PIGB: variants seen among roughly 807,000 people sequenced by gnomAD.
PIGB encodes the protein phosphatidylinositol glycan anchor biosynthesis class B, also known as GPI alpha-1,2-mannosyltransferase 3.
Under a neutral mutation model 68.4 loss-of-function variants are expected in PIGB, and 58 were observed. The observed-to-expected ratio is 0.85, with a 90% CI of 0.69 to 1.06. The LOEUF (loss-of-function observed/expected upper bound fraction) is 1.06, where lower values mean the gene tolerates loss of function less well. Among genes scored for constraint, PIGB ranks in the 50% least tolerant of loss-of-function variants. The pLI is 0.00. For synonymous variants in PIGB, 219 were observed against 220.5 expected, an observed-to-expected ratio of 0.99 and a Z score of 0.06; for missense variants, 634 against 655.8, an observed-to-expected ratio of 0.97 and a Z score of 0.36.
intron 10 of PIGB, among the ~76,000 whole-genome samples, chr15:55,352,912 A>C (rs191365917): frequency 6.6e-6 from 1 of 152,242 alleles, no homozygotes; most frequent in African/African-American, 2.4e-5. Context: ...CTATTTAACT[A>C]ATCATTAATG....
chr15:55,326,284 CTTATTATCT>C (rs1246150904), intron 3 of PIGB, among the ~76,000 whole-genome samples: 1 of 151,054 alleles, frequency 6.6e-6, no homozygotes, highest in Non-Finnish European at 1.5e-5. Flanking sequence ...ATAATATTAT[CTTATTATCT>C]ATATTGCAGG....
In PIGB at chr15:55,321,639, C is replaced by CTTCT. The variant is rs1566946182; in HGVS notation, c.417+256_417+259dup. 2.2e-4 allele frequency among the ~76,000 whole-genome samples: 29 copies of CTTCT among 133,036 alleles called. 1 individual carries two copies. The highest frequency in any genetic ancestry group is 1.8e-3 in the Admixed American group (24 of 12,990). The allele number at this position is 133,036 out of a possible 152,430, so 87.3% of individuals were successfully genotyped here. ...GTATTATTTGGACATTAGAAGTATACTTCTTTCTTTTTTTTTTTTTTTTTT... is the reference window on the plus strand; with the variant it reads ...GTATTATTTGGACATTAGAAGTATACTTCTTTCTTTCTTTTTTTTTTTTTTTTTT... On this transcript the variant is annotated intron_variant, in intron 3 of 11. Transcript: ENST00000164305.
At chr15:55,330,885 C>T (rs2055398278) in intron 5 of PIGB, among the ~76,000 whole-genome samples, 3 of 152,134 alleles carry the variant, frequency 2.0e-5, no homozygotes, top group Admixed American at 1.3e-4. Flanking sequence ...AAAGCATTCA[C>T]TCAAGTTACG....
chr15:55,319,565 A>C (rs1419798769), intron 1 of PIGB, 152 bp downstream of exon 1: 1 of 601,252 alleles, frequency 1.7e-6, no homozygotes, highest in African/African-American at 1.9e-5. Flanking sequence ...ATTTTAATAT[A>C]AATTCTGATT....
At chr15:55,343,458 G>A (rs978561226) in intron 9 of PIGB, 2 of 152,178 alleles carry the variant, frequency 1.3e-5, no homozygotes, top group Admixed American at 6.5e-5. Flanking sequence ...TGGAGGGGAC[G>A]GGGAGGTTGG....
chr15:55,337,526 C>G (rs2055564644), intron 6 of PIGB, among the ~76,000 whole-genome samples: 1 of 152,148 alleles, frequency 6.6e-6, no homozygotes, highest in Non-Finnish European at 1.5e-5. Context: ...ATCTAATGTC[C>G]AGTGATCTGA....
chr15:55,352,458 G>C (rs1013834431), intron 10 of PIGB, among the ~76,000 whole-genome samples: 1 of 152,172 alleles, frequency 6.6e-6, no homozygotes, highest in Non-Finnish European at 1.5e-5. Context: ...ACCCAGTAAT[G>C]GTATAGGGGC....
intron 5 of PIGB, among the ~76,000 whole-genome samples, chr15:55,331,031 T>A (rs1486318910): frequency 6.6e-6 from 1 of 152,186 alleles, no homozygotes; most frequent in Admixed American, 6.5e-5. Context: ...CCAAGGCAGT[T>A]TTGGGGAATG....
intron 3 of PIGB, among the ~76,000 whole-genome samples, chr15:55,321,813 C>T (rs1371196904): frequency 3.1e-4 from 46 of 149,262 alleles, no homozygotes; most frequent in Admixed American, 2.5e-3. Flanking sequence ...CCACCATGCC[C>T]GGCTAATTTT....
At chr15:55,329,997 G>A in intron 5 of PIGB, 143 bp downstream of exon 5, 1 of 565,322 alleles carries the variant, frequency 1.8e-6, no homozygotes, top group Non-Finnish European at 3.1e-6. Flanking sequence ...TATTATAGCA[G>A]AAAACAGATA....
chr15:55,324,197 G>C (rs1187727333), intron 3 of PIGB, among the ~76,000 whole-genome samples: 1 of 152,160 alleles, frequency 6.6e-6, no homozygotes, highest in Non-Finnish European at 1.5e-5. Context: ...ATAGTCAGAA[G>C]ACAACAAAAG....
chr15:55,331,598 A>G (rs2055415567), intron 5 of PIGB, among the ~76,000 whole-genome samples: 1 of 152,064 alleles, frequency 6.6e-6, no homozygotes, highest in Non-Finnish European at 1.5e-5. Context: ...CTATAATCCC[A>G]GCTACTCGGG....
chr15:55,319,474 T>G (rs913242788), intron 1 of PIGB, 61 bp downstream of exon 1: 8 of 1,309,640 alleles, frequency 6.1e-6, no homozygotes, highest in Non-Finnish European at 7.3e-6. Context: ...CCCCCTCCAT[T>G]TCATTACCAG....
At chr15:55,343,076 T>C (rs1171201488) in intron 9 of PIGB, 1 of 152,158 alleles carries the variant, frequency 6.6e-6, no homozygotes, top group Non-Finnish European at 1.5e-5. Flanking sequence ...TGACCAAGTA[T>C]ACATCAACTC....
chr15:55,339,986 A>T (rs2055626119), intron 7 of PIGB: 1 of 152,260 alleles, frequency 6.6e-6, no homozygotes, highest in Admixed American at 6.5e-5. Flanking sequence ...TATTCATGTA[A>T]CCAGAAGCCA....
At chr15:55,326,277 ATAT>A (rs774976953) in intron 3 of PIGB, among the ~76,000 whole-genome samples, 3 of 151,954 alleles carry the variant, frequency 2.0e-5, no homozygotes, top group Non-Finnish European at 4.4e-5. Flanking sequence ...CTTATACATA[ATAT>A]TATCTTATTA....
intron 3 of PIGB, among the ~76,000 whole-genome samples, chr15:55,323,258 AG>A (rs1253853255): frequency 6.6e-6 from 1 of 152,232 alleles, no homozygotes; most frequent in Non-Finnish European, 1.5e-5. Flanking sequence ...AAGCAGAACT[AG>A]AGCTAAATCC....
chr15:55,320,824 T>C (rs2055147436), intron 2 of PIGB, among the ~76,000 whole-genome samples: 1 of 152,218 alleles, frequency 6.6e-6, no homozygotes, highest in African/African-American at 2.4e-5. Flanking sequence ...TTTTCAGTTT[T>C]CCGTATTTTC....
At chr15:55,343,636 C>T (rs2055723079) in intron 9 of PIGB, 1 of 152,126 alleles carries the variant, frequency 6.6e-6, no homozygotes, top group South Asian at 2.1e-4. Context: ...TAACCAGGGC[C>T]TATTCACAGT....
Sources: allele counts gnomAD v4.1 joint callset (sites outside exome capture counted in the v4.1 genomes callset), GRCh38; gene constraint gnomAD v4.1.1; transcripts MANE v1.5; gene names NCBI Gene and HGNC (gene_info 2026-07-23, HGNC 2026-07-21).